Variants in MAN2C1 observed in about 807,000 individuals in gnomAD.
The protein encoded by MAN2C1 is alpha-mannosidase 2C1.
MAN2C1 carries 111 observed loss-of-function variants against 126.9 expected under a neutral mutation model. The observed-to-expected ratio is 0.87, with a 90% CI of 0.75 to 1.02. The LOEUF (loss-of-function observed/expected upper bound fraction) is 1.02, where lower values mean the gene tolerates loss of function less well. MAN2C1 is among the 50% of genes least tolerant of loss of function. The pLI, the probability that MAN2C1 is intolerant of heterozygous loss-of-function variation, is 0.00. For synonymous variants in MAN2C1, 567 were observed against 561.5 expected (o/e 1.01, Z -0.14); for missense variants, 1,363 against 1,364.4 (o/e 1.00, Z 0.02).
intron 6 of MAN2C1, 96 bp downstream of exon 6, chr15:75,363,903 A>G: frequency 7.3e-7 from 1 of 1,379,296 alleles, no homozygotes; most frequent in Non-Finnish European, 1.0e-6. Flanking sequence ...AAGAGGAGCA[A>G]GAACTTGCTG....
At position 75,358,778 on chromosome 15, in the gene MAN2C1, G is replaced by C. The variant is rs368613268; in HGVS notation, c.2172C>G (p.Asn724Lys). The C allele has an allele frequency of 6.2e-7, 1 of 1,613,500 alleles. No homozygotes were observed. Among genetic ancestry groups the C allele is most frequent in the Admixed American group, 1.7e-5 (1 of 59,942 alleles). ...REAIAEGAVG[N>K]QFVLFDDVPL... ...GGACATCATCAAATAGCACAAACTG[G>C]TTCCCCACGGCGCCCTCAGCAATGG... The change falls in exon 19 of 26, where the codon AAC becomes AAG. Residue 724 changes from asparagine (N) to lysine (K), a missense_variant. Asn to Lys is a moderately conservative substitution (Grantham distance 94). This residue lies in a region of MAN2C1 where 668 missense variants were observed against 650.1 expected (regional missense o/e 1.03). Coordinates refer to ENST00000267978, the MANE Select transcript of MAN2C1 (RefSeq NM_006715.4).
chr15:75,359,668 G>C lies in MAN2C1; in HGVS notation c.1900C>G (p.Arg634Gly). 3 of 1,614,142 alleles carry C rather than the reference G, an allele frequency of 1.9e-6. No homozygotes were observed. Among genetic ancestry groups the C allele is most frequent in the Non-Finnish European group, 2.5e-6 (3 of 1,180,026 alleles). Residue 634 changes from arginine to glycine, a missense_variant, in exon 16 of 26, where the codon CGG becomes GGG. Transcript: ENST00000267978. ...TTGGGCAGGGCCATCACTTCGATCC[G>C]CTTCCAGGGCAGTGTGTTGACGATG... ...LLIVNTLPWK[R>G]IEVMALPKPG... is the part of the protein sequence containing the mutation.
Position 75,359,739 on chromosome 15 carries a change from G to C in MAN2C1, c.1829C>G (p.Ala610Gly). 6.2e-7 allele frequency: 1 copy of C among 1,613,982 alleles called. No homozygotes were observed. Among genetic ancestry groups the C allele is most frequent in the Non-Finnish European group, 8.5e-7 (1 of 1,180,028 alleles). ...CTCCCCAGCACACAGGGCTGCGGCT[G>C]CAGCGCTGAGCAGTGTATTGCCATG... ...RSHGNTLLSA[A>G]AAALCAGEPG... is the part of the protein sequence containing the mutation. Residue 610 changes from alanine (A) to glycine (G), a missense_variant, in exon 16 of 26, where the codon GCA becomes GGA. Coordinates refer to ENST00000267978, the MANE Select transcript of MAN2C1 (RefSeq NM_006715.4).
intron 12 of MAN2C1, 132 bp from the exon 13 acceptor site, chr15:75,360,820 A>G: frequency 7.7e-7 from 1 of 1,292,882 alleles, no homozygotes; most frequent in East Asian, 2.4e-5. Flanking sequence ...ACAGATGGCC[A>G]GCCCTGGACG....
chr15:75,364,953 T>C (rs2072546167), intron 4 of MAN2C1, among the ~76,000 whole-genome samples: 1 of 152,252 alleles, frequency 6.6e-6, no homozygotes, highest in African/African-American at 2.4e-5. Flanking sequence ...TGCAAAGCAC[T>C]GCCTTGGTCT....
Position 75,356,646 on chromosome 15 carries a change from C to T in MAN2C1, c.2697G>A (p.Thr899=), listed in dbSNP as rs754362462. The change falls in exon 23 of 26, where the codon ACG becomes ACA. Residue 899 remains threonine, a synonymous_variant. Transcript: ENST00000267978. This position sits in a 1 kb window ranked among gnomAD's most constrained non-coding sequence, Gnocchi z 5.8. The part of the protein sequence containing the change: ...APKAPDATAD[T]GRHEFTYALM... ...GTGCATAGGTGAACTCGTGGCGCCC[C>T]GTGTCAGCAGTAGCGTCCGGGGCTT... is the stretch of plus-strand genomic sequence containing the variant. The T allele has an allele frequency of 8.9e-6, 14 of 1,574,942 alleles. No individual in the cohort carries two copies. Among genetic ancestry groups the T allele is most frequent in the South Asian group, 2.3e-5 (2 of 87,070 alleles).
Position 75,359,398 on chromosome 15 carries a change from T to C in MAN2C1, c.1976A>G (p.Tyr659Cys), listed in dbSNP as rs111373622. 39 of 1,610,492 alleles carry C rather than the reference T, an allele frequency of 2.4e-5. No homozygotes were observed. The highest frequency in any genetic ancestry group is 3.0e-5 in the Non-Finnish European group (35 of 1,179,164). Residue 659 changes from tyrosine (Y) to cysteine (C), a missense_variant, in exon 17 of 26, where the codon TAT becomes TGT. Transcript: ENST00000267978. ...LALVTVPSMG[Y>C]APVPPPTSLQ... ...TGAGGTGGGGGGAGGAACAGGAGCATAGCCCATGCTGGGCACTGTCACCAG... is the reference window on the plus strand; with the variant it reads ...TGAGGTGGGGGGAGGAACAGGAGCACAGCCCATGCTGGGCACTGTCACCAG...
chr15:75,356,736 G>T lies in MAN2C1; in HGVS notation c.2658-51C>A, dbSNP rs747869743. On this transcript the variant is annotated intron_variant, in intron 22 of 25. Coordinates refer to ENST00000267978, the MANE Select transcript of MAN2C1 (RefSeq NM_006715.4). This position sits in a 1 kb window ranked among gnomAD's most constrained non-coding sequence, Gnocchi z 5.8. ...CCACGCTGAAGCTGTTGGAGTTGTG[G>T]TCGGGAAGACCCATTTCTCCATGCC... is the stretch of plus-strand genomic sequence containing the variant. The T allele has an allele frequency of 1.2e-6, 2 of 1,612,482 alleles. No individual in the cohort carries two copies. Among genetic ancestry groups the T allele is most frequent in the East Asian group, 4.5e-5 (2 of 44,856 alleles).
rs1180689498 is a variant in MAN2C1 at position 75,356,768 on chromosome 15, C to T, written c.2657+25G>A. On this transcript the variant is annotated intron_variant, in intron 22 of 25. Coordinates refer to ENST00000267978, the MANE Select transcript of MAN2C1 (RefSeq NM_006715.4). This position sits in a 1 kb window ranked among gnomAD's most constrained non-coding sequence, Gnocchi z 5.8. ...AGACCCATTTCTCCATGCCAGCTCC[C>T]AGGCCTGGTGGGTACCCCACTTACA... 1.2e-6 allele frequency: 2 copies of T among 1,613,736 alleles called. No individual in the cohort carries two copies. The highest frequency in any genetic ancestry group is 1.7e-6 in the Non-Finnish European group (2 of 1,179,796).
chr15:75,356,516 GCAGGAAGCCAGGTTGCTGGGGTTTGGGCT>G lies in MAN2C1; in HGVS notation c.2737+61_2738-68del. 6.4e-7 allele frequency: 1 copy of G among 1,557,310 alleles called. No individual in the cohort carries two copies. Among genetic ancestry groups the G allele is most frequent in the Non-Finnish European group, 8.7e-7 (1 of 1,149,716 alleles). On this transcript the variant is annotated intron_variant, in intron 23 of 25. Coordinates refer to ENST00000267978, the MANE Select transcript of MAN2C1 (RefSeq NM_006715.4). The surrounding 1 kb of genome is among the most constrained non-coding windows in gnomAD (Gnocchi z 5.8). ...CTACCCTCCCCTGTCCCTAGAAGGGGCAGGAAGCCAGGTTGCTGGGGTTTGGGCTCAGGGAAGGGCAGAGAGGTGTCTAG... is the reference window on the plus strand; with the variant it reads ...CTACCCTCCCCTGTCCCTAGAAGGGGCAGGGAAGGGCAGAGAGGTGTCTAG...
At position 75,362,854 on chromosome 15, in the gene MAN2C1, C is replaced by A; in HGVS notation, c.791-106G>T. ...CCCCCCTCCCATCCCAGGCCCTTCA[C>A]CCTGGAAAGCCCTGTGGTGTCCCTC... On this transcript the variant is annotated intron_variant, in intron 6 of 25. Coordinates refer to ENST00000267978, the MANE Select transcript of MAN2C1 (RefSeq NM_006715.4). The surrounding 1 kb of genome is among the most constrained non-coding windows in gnomAD (Gnocchi z 4.5). 2.3e-6 allele frequency: 2 copies of A among 872,726 alleles called. No individual in the cohort carries two copies. The highest frequency in any genetic ancestry group is 3.7e-6 in the Non-Finnish European group (2 of 541,786). The allele number at this position is 872,726 out of a possible 1,614,324, so 54.1% of individuals were successfully genotyped here.
At chr15:75,360,471 G>T in intron 13 of MAN2C1, 94 bp downstream of exon 13, 1 of 1,529,420 alleles carries the variant, frequency 6.5e-7, no homozygotes, top group Non-Finnish European at 8.8e-7. Context: ...TCTTCCCCTA[G>T]ATCTGGCCTG....
At chr15:75,366,315 C>T (rs1157461032) in intron 4 of MAN2C1, among the ~76,000 whole-genome samples, 2 of 152,354 alleles carry the variant, frequency 1.3e-5, no homozygotes, top group Middle Eastern at 3.4e-3. Flanking sequence ...TCCCACTCAG[C>T]CTCCCAGGGT....
Position 75,361,473 on chromosome 15 carries a change from C to T in MAN2C1, c.1219-92G>A, listed in dbSNP as rs1047841415. The T allele has an allele frequency of 1.3e-5, 16 of 1,270,962 alleles. No individual in the cohort carries two copies. The highest frequency in any genetic ancestry group is 1.7e-5 in the Non-Finnish European group (15 of 872,278). 78.7% of individuals were successfully genotyped at this position (1,270,962 alleles called of 1,614,324 possible). On this transcript the variant is annotated intron_variant, in intron 10 of 25. Coordinates refer to ENST00000267978, the MANE Select transcript of MAN2C1 (RefSeq NM_006715.4). This position sits in a 1 kb window ranked among gnomAD's most constrained non-coding sequence, Gnocchi z 5.0. Reference sequence around the variant, plus strand: ...CCAGACTTGGTCCTGCCCCTGCCTGCTATGTGACCCTGGCAGAGGCAGAGT... The same window carrying T: ...CCAGACTTGGTCCTGCCCCTGCCTGTTATGTGACCCTGGCAGAGGCAGAGT...
intron 12 of MAN2C1, 114 bp downstream of exon 12, chr15:75,360,932 G>A (rs1385497749): frequency 7.3e-7 from 1 of 1,378,620 alleles, no homozygotes; most frequent in East Asian, 2.5e-5. Flanking sequence ...CCGTGGTCTA[G>A]GATTGGGACA....
rs1466792141 is a variant in MAN2C1, at chr15:75,360,684, G to C, written c.1465C>G (p.Gln489Glu). The change falls in exon 13 of 26, where the codon CAG becomes GAG. Residue 489 changes from glutamine (Q) to glutamate (E), a missense_variant. This residue lies in a region of MAN2C1 where 67 missense variants were observed against 104.5 expected (regional missense o/e 0.64). Transcript: ENST00000267978. ...AAGAGCTGTCTTGGAGAAGATAGCT[G>C]CACCCTGAGGAGACCACAAGCCTAG... ...LSNTDGLPRV[Q>E]LSSPRQLFSA... is the part of the protein sequence containing the mutation. The C allele has an allele frequency of 6.2e-7, 1 of 1,613,256 alleles. No homozygotes were observed. Among genetic ancestry groups the C allele is most frequent in the Non-Finnish European group, 8.5e-7 (1 of 1,179,934 alleles).
At chr15:75,366,482 C>T (rs1256403827) in intron 4 of MAN2C1, 40 bp downstream of exon 4, 1 of 1,583,124 alleles carries the variant, frequency 6.3e-7, no homozygotes, top group South Asian at 1.1e-5. Flanking sequence ...CTGGTACTCC[C>T]TCCCTGACAG....
chr15:75,360,084 G>A lies in MAN2C1; in HGVS notation c.1706+6C>T, dbSNP rs1302412356. On this transcript the variant is annotated splice_donor_region_variant and intron_variant, in intron 14 of 25. Coordinates refer to ENST00000267978, the MANE Select transcript of MAN2C1 (RefSeq NM_006715.4). ...AGGTGGATGGCAGGGACAGAACTGG[G>A]CTGACCTCCAGAGGTGCTGCAGCTG... 1 of 1,613,882 alleles carries A rather than the reference G, an allele frequency of 6.2e-7. No individual in the cohort carries two copies. The highest frequency in any genetic ancestry group is 8.5e-7 in the Non-Finnish European group (1 of 1,180,012).
rs765163980 is a variant in MAN2C1 at position 75,364,625 on chromosome 15, C to T, written c.463G>A (p.Gly155Arg). 6.2e-7 allele frequency: 1 copy of T among 1,613,596 alleles called. No homozygotes were observed. Among genetic ancestry groups the T allele is most frequent in the South Asian group, 1.1e-5 (1 of 91,022 alleles). Residue 155 changes from glycine to arginine, a missense_variant, in exon 5 of 26, where the codon GGG becomes AGG. This residue lies in a region of MAN2C1 where 628 missense variants were observed against 609.8 expected (regional missense o/e 1.03). Transcript: ENST00000267978. ...GCAATCATGCTTCCCTTCCCGGCCC[C>T]CAGGAGCCCATTGCAGGCTACTTCC... Reference protein sequence around the residue: ...YVEVACNGLLGAGKGSMIAAP... With the variant: ...YVEVACNGLLRAGKGSMIAAP...
Sources: allele counts gnomAD v4.1 joint callset (sites outside exome capture counted in the v4.1 genomes callset), GRCh38; gene constraint gnomAD v4.1.1; regional missense constraint gnomAD v4.1.1; non-coding constraint Gnocchi (gnomAD v3.1); transcripts MANE v1.5; gene names NCBI Gene and HGNC (gene_info 2026-07-23, HGNC 2026-07-21).